NINJ2: variants seen among roughly 807,000 people sequenced by gnomAD.
NINJ2 encodes ninjurin-2.
A neutral mutation model predicts 11.7 loss-of-function variants in NINJ2; 12 were observed. That is an observed-to-expected ratio of 1.02 (90% CI 0.66 to 1.66). NINJ2 has a LOEUF of 1.66. NINJ2 is among the 40% of genes most tolerant of loss of function. The pLI, the probability that NINJ2 is intolerant of heterozygous loss-of-function variation, is 0.00. For missense variants in NINJ2, 187 were observed against 181.8 expected (o/e 1.03, Z -0.16); for synonymous variants, 93 against 76.8 (o/e 1.21, Z -1.10).
intron 1 of NINJ2, among the ~76,000 whole-genome samples, chr12:593,574 G>T (rs1947743335): frequency 6.6e-6 from 1 of 152,094 alleles, no homozygotes; most frequent in South Asian, 2.1e-4. Flanking sequence ...AATTAGCCAG[G>T]CGTGGTGGTG....
At chr12:571,269 G>T (rs116588658) in intron 1 of NINJ2, among the ~76,000 whole-genome samples, 4,183 of 152,372 alleles carry the variant, frequency 0.027, 228 homozygotes, top group African/African-American at 0.095. Context: ...GGGAAGGTGG[G>T]AGTAGATCCA....
rs2120835112 is a variant in NINJ2 at position 581,273 on chromosome 12, GC to G, written c.34-15096del. Among the ~76,000 whole-genome samples, 1 of 152,254 alleles carries G rather than the reference GC, an allele frequency of 6.6e-6. No individual in the cohort carries two copies. Among genetic ancestry groups the G allele is most frequent in the East Asian group, 1.9e-4 (1 of 5,192 alleles). On this transcript the variant is annotated intron_variant, in intron 1 of 3. Transcript: ENST00000305108. This position sits in a 1 kb window ranked among gnomAD's most constrained non-coding sequence, Gnocchi z 4.9. ...GGCCATAGACCTGTAGATGAGACAGGCTACAGACAAGGCAGGGATACTGGTG... is the reference window on the plus strand; with the variant it reads ...GGCCATAGACCTGTAGATGAGACAGGTACAGACAAGGCAGGGATACTGGTG...
intron 1 of NINJ2, among the ~76,000 whole-genome samples, chr12:606,415 C>T (rs1394983115): frequency 6.6e-6 from 1 of 152,028 alleles, no homozygotes; most frequent in East Asian, 1.9e-4. Flanking sequence ...ATGGGCTGAA[C>T]AAAGAAAAGA....
intron 1 of NINJ2, among the ~76,000 whole-genome samples, chr12:601,734 C>T (rs565794915): frequency 1.9e-4 from 29 of 151,664 alleles, no homozygotes; most frequent in East Asian, 1.5e-3. Context: ...GGTGTGGTGG[C>T]GGGTGCCTGT....
intron 1 of NINJ2, among the ~76,000 whole-genome samples, chr12:621,376 C>T (rs2120379273): frequency 6.6e-6 from 1 of 151,700 alleles, no homozygotes; most frequent in Admixed American, 6.6e-5. Context: ...ATTGCTTGAT[C>T]CTGAGAGTTT....
At chr12:615,222 C>G (rs1948077522) in intron 1 of NINJ2, among the ~76,000 whole-genome samples, 1 of 152,200 alleles carries the variant, frequency 6.6e-6, no homozygotes, top group Admixed American at 6.5e-5. Context: ...AATGAGAACA[C>G]CTTATATTTA....
At position 581,410 on chromosome 12, in the gene NINJ2, T is replaced by G. The variant is rs1017007078; in HGVS notation, c.34-15232A>C. 3.3e-4 allele frequency among the ~76,000 whole-genome samples: 50 copies of G among 152,266 alleles called. No individual in the cohort carries two copies. The highest frequency in any genetic ancestry group is 1.2e-3 in the African/African-American group (50 of 41,560). ...GATTGGTGGGCCAGCCTGAATCTGC[T>G]GCGCCTGCCAGCTTCAGCCAATCCA... On this transcript the variant is annotated intron_variant, in intron 1 of 3. Coordinates refer to ENST00000305108, the MANE Select transcript of NINJ2 (RefSeq NM_016533.6). The surrounding 1 kb of genome is among the most constrained non-coding windows in gnomAD (Gnocchi z 4.9).
At chr12:631,139 C>T (rs1565642244) in intron 1 of NINJ2, among the ~76,000 whole-genome samples, 1 of 152,100 alleles carries the variant, frequency 6.6e-6, no homozygotes, top group Non-Finnish European at 1.5e-5. Flanking sequence ...ATGCCAGGCA[C>T]TGAGCACTGT....
rs535921474 is a variant in NINJ2, at chr12:623,557, G to A, written c.33+39771C>T. ...GCCTAGTTGTTATTTACCAACTTGCGTCCAAATCCACTCTTGGGCTTAGTT... is the reference window on the plus strand; with the variant it reads ...GCCTAGTTGTTATTTACCAACTTGCATCCAAATCCACTCTTGGGCTTAGTT... On this transcript the variant is annotated intron_variant, in intron 1 of 3. Transcript: ENST00000305108. Among the ~76,000 whole-genome samples, 100 of 152,296 alleles carry A rather than the reference G, an allele frequency of 6.6e-4. 1 individual carries two copies. Among genetic ancestry groups the A allele is most frequent in the African/African-American group, 2.3e-3 (96 of 41,574 alleles).
intron 1 of NINJ2, among the ~76,000 whole-genome samples, chr12:639,437 C>T (rs1948393881): frequency 6.6e-6 from 1 of 152,164 alleles, no homozygotes; most frequent in Non-Finnish European, 1.5e-5. Context: ...CCTGGACAGT[C>T]TAGCTCAGGA....
At chr12:610,624 G>C in intron 1 of NINJ2, 1 of 985,350 alleles carries the variant, frequency 1.0e-6, no homozygotes, top group Non-Finnish European at 1.2e-6. Context: ...TTACCAGGCA[G>C]GGACTTAATA....
intron 1 of NINJ2, among the ~76,000 whole-genome samples, chr12:660,734 G>A (rs2120552743): frequency 6.6e-6 from 1 of 152,304 alleles, no homozygotes; most frequent in East Asian, 1.9e-4. Flanking sequence ...GCCGAGGCTT[G>A]TGGATCATTT....
Position 628,026 on chromosome 12 carries a change from C to T in NINJ2, c.33+35302G>A, listed in dbSNP as rs1948229705. Among the ~76,000 whole-genome samples the T allele has an allele frequency of 6.6e-6, 1 of 152,250 alleles. No homozygotes were observed. Among genetic ancestry groups the T allele is most frequent in the Non-Finnish European group, 1.5e-5 (1 of 68,044 alleles). ...ATCCTCCCCGCCCTGCCCCCGGCTC[C>T]TCTTTCACACCCTGTGCCAGACAGA... On this transcript the variant is annotated intron_variant, in intron 1 of 3. Coordinates refer to ENST00000305108, the MANE Select transcript of NINJ2 (RefSeq NM_016533.6). This position sits in a 1 kb window ranked among gnomAD's most constrained non-coding sequence, Gnocchi z 4.4.
At chr12:609,064 GCA>G (rs1947978745) in intron 1 of NINJ2, among the ~76,000 whole-genome samples, 1 of 149,066 alleles carries the variant, frequency 6.7e-6, no homozygotes, top group Admixed American at 6.7e-5. Context: ...GGGGCTGAAC[GCA>G]CACGCACGGC....
chr12:658,102 G>A (rs780822462), intron 1 of NINJ2, among the ~76,000 whole-genome samples: 29 of 146,248 alleles, frequency 2.0e-4, no homozygotes, highest in Non-Finnish European at 3.1e-4. Flanking sequence ...GGGTTCAAGC[G>A]ATTCTCCTGC....
intron 1 of NINJ2, among the ~76,000 whole-genome samples, chr12:598,399 G>C (rs977576278): frequency 6.6e-6 from 1 of 152,190 alleles, no homozygotes; most frequent in African/African-American, 2.4e-5. Context: ...GTGAATTCCA[G>C]AGAGGACTGG....
In NINJ2 at chr12:564,404, G is replaced by C. The variant is rs573128746; in HGVS notation, c.*296C>G. The stretch of plus-strand genomic sequence containing the variant: ...GTAGAGTCAGAACCAGCATCCTTAA[G>C]CCGGGCAGACTTGGCCTTAGACAGA... On this transcript the variant is annotated 3_prime_UTR_variant, in exon 4 of 4. Transcript: ENST00000305108. 4 of 152,370 alleles carry C rather than the reference G, an allele frequency of 2.6e-5. No homozygotes were observed. Among genetic ancestry groups the C allele is most frequent in the African/African-American group, 9.6e-5 (4 of 41,572 alleles). 9.4% of individuals were successfully genotyped at this position (152,370 alleles called of 1,614,324 possible).
chr12:651,721 A>G (rs1017532883), intron 1 of NINJ2, among the ~76,000 whole-genome samples: 5 of 152,248 alleles, frequency 3.3e-5, no homozygotes, highest in Non-Finnish European at 5.9e-5. Flanking sequence ...ACGCAAGAAG[A>G]GATGGGCAAC....
At chr12:623,495 C>G (rs1180223092) in intron 1 of NINJ2, among the ~76,000 whole-genome samples, 1 of 152,240 alleles carries the variant, frequency 6.6e-6, no homozygotes, top group African/African-American at 2.4e-5. Context: ...CCACTCAAAA[C>G]TTCACTTTTC....
Sources: allele counts gnomAD v4.1 joint callset (sites outside exome capture counted in the v4.1 genomes callset), GRCh38; gene constraint gnomAD v4.1.1; non-coding constraint Gnocchi (gnomAD v3.1); transcripts MANE v1.5; gene names NCBI Gene and HGNC (gene_info 2026-07-23, HGNC 2026-07-21).